Variants in CIB3 observed in about 807,000 individuals in gnomAD.
CIB3 encodes the protein calcium and integrin-binding family member 3.
Under a neutral mutation model 23.4 loss-of-function variants are expected in CIB3, and 22 were observed. The observed-to-expected ratio is 0.94, with a 90% CI of 0.67 to 1.34. The LOEUF (loss-of-function observed/expected upper bound fraction) is 1.34. CIB3 is among the 40% of genes most tolerant of loss of function. The pLI is 0.00. For missense variants in CIB3, 258 were observed against 247.3 expected, an observed-to-expected ratio of 1.04 and a Z score of -0.29; for synonymous variants, 93 against 95.8, an observed-to-expected ratio of 0.97 and a Z score of 0.17.
chr19:16,169,733 T>C lies in CIB3; in HGVS notation c.95A>G (p.Tyr32Cys), dbSNP rs141222200. Residue 32 changes from tyrosine (Y) to cysteine (C), a missense_variant, in exon 3 of 6, where the codon TAT (tyrosine) becomes TGT (cysteine). Coordinates refer to ENST00000269878, the MANE Select transcript of CIB3 (RefSeq NM_054113.4). ...CTGTGGGGCCAGGTCCTGGTAGCGA[T>C]AGAAGAGCCTGATGTGGGGAGGAAA... ...FTRKEIMRLF[Y>C]RYQDLAPQLV... 519 of 1,607,796 alleles carry C rather than the reference T, an allele frequency of 3.2e-4. No individual in the cohort carries two copies. Among genetic ancestry groups the C allele is most frequent in the Non-Finnish European group, 4.3e-4 (501 of 1,177,038 alleles).
chr19:16,173,041 T>TAC (rs3076227), intron 2 of CIB3, 121 bp downstream of exon 2: 69,409 of 777,472 alleles, frequency 0.089, 1,046 homozygotes, highest in Admixed American at 0.12. Context: ...AAAGACTACT[T>TAC]ACACACACAC....
chr19:16,166,738 AC>A (rs2091307168), intron 4 of CIB3, among the ~76,000 whole-genome samples: 1 of 152,200 alleles, frequency 6.6e-6, no homozygotes, highest in African/African-American at 2.4e-5. Flanking sequence ...TTGAGCACCT[AC>A]TATGTGTTGG....
At chr19:16,173,114 TAGAAAGTTGTTTTTCC>T in intron 2 of CIB3, 32 bp downstream of exon 2, 2 of 1,608,992 alleles carry the variant, frequency 1.2e-6, no homozygotes, top group South Asian at 2.2e-5. Flanking sequence ...CAGCAATGAA[TAGAAAGTTGTTTTTCC>T]AGATCTTCTC....
chr19:16,170,553 G>T (rs1402096526), intron 2 of CIB3, among the ~76,000 whole-genome samples: 1 of 152,222 alleles, frequency 6.6e-6, no homozygotes, highest in Non-Finnish European at 1.5e-5. Context: ...GGATGCAGCG[G>T]CTCATGCCTG....
At chr19:16,164,112 A>G (rs575607043) in intron 5 of CIB3, among the ~76,000 whole-genome samples, 11 of 152,242 alleles carry the variant, frequency 7.2e-5, no homozygotes, top group African/African-American at 2.6e-4. Flanking sequence ...CTGGGACTAC[A>G]GGCATGCACC....
At chr19:16,163,794 A>T (rs1354911985) in intron 5 of CIB3, among the ~76,000 whole-genome samples, 2 of 152,158 alleles carry the variant, frequency 1.3e-5, no homozygotes, top group Admixed American at 6.6e-5. Context: ...GATGTTTTCA[A>T]CTTTATACCA....
At chr19:16,163,452 G>A (rs1428018352) in intron 5 of CIB3, among the ~76,000 whole-genome samples, 2 of 152,158 alleles carry the variant, frequency 1.3e-5, no homozygotes, top group East Asian at 3.9e-4. Context: ...CTACTCGGGA[G>A]GCTGAGGCAG....
chr19:16,163,128 C>T (rs1279498799), intron 5 of CIB3, among the ~76,000 whole-genome samples: 1 of 151,834 alleles, frequency 6.6e-6, no homozygotes, highest in South Asian at 2.1e-4. Flanking sequence ...TGAGCCACTG[C>T]GCTCGGCCCC....
intron 4 of CIB3, among the ~76,000 whole-genome samples, chr19:16,165,176 C>T (rs1199683867): frequency 6.6e-6 from 1 of 151,376 alleles, no homozygotes; most frequent in Non-Finnish European, 1.5e-5. Context: ...ACCTGTAATC[C>T]CAGCTATTCA....
chr19:16,161,929 C>G (rs2091286492), intron 5 of CIB3, among the ~76,000 whole-genome samples: 1 of 151,810 alleles, frequency 6.6e-6, no homozygotes, highest in African/African-American at 2.4e-5. Context: ...AAGCGATCCA[C>G]CCACCTTAGC....
chr19:16,163,702 G>T (rs2091294347), intron 5 of CIB3, among the ~76,000 whole-genome samples: 1 of 152,144 alleles, frequency 6.6e-6, no homozygotes, highest in Admixed American at 6.6e-5. Context: ...AACACCTATT[G>T]TGTGCCAGGA....
At chr19:16,173,336 C>T (rs2091338571) in intron 1 of CIB3, 89 bp downstream of exon 1, 1 of 1,554,226 alleles carries the variant, frequency 6.4e-7, no homozygotes, top group Non-Finnish European at 8.9e-7. Flanking sequence ...GCGGACGGTA[C>T]ACCCAGATGA....
chr19:16,171,856 T>C (rs1432885193), intron 2 of CIB3, among the ~76,000 whole-genome samples: 2 of 152,218 alleles, frequency 1.3e-5, no homozygotes, highest in Non-Finnish European at 1.5e-5. Flanking sequence ...ATAATGGATG[T>C]CCTGTTACTA....
intron 4 of CIB3, among the ~76,000 whole-genome samples, chr19:16,165,507 G>A (rs902787602): frequency 4.0e-5 from 6 of 151,246 alleles, no homozygotes; most frequent in East Asian, 2.0e-4. Flanking sequence ...GCAGTGGCAC[G>A]ATCTCGGCTC....
At position 16,164,850 on chromosome 19, in the gene CIB3, C is replaced by T. The variant is rs112299653; in HGVS notation, c.410G>A (p.Arg137Gln). 15 of 1,614,042 alleles carry T rather than the reference C, an allele frequency of 9.3e-6. No homozygotes were observed. Among genetic ancestry groups the T allele is most frequent in the African/African-American group, 2.7e-5 (2 of 75,022 alleles). The change falls in exon 5 of 6, where the codon CGG becomes CAG. Residue 137 changes from arginine to glutamine, a missense_variant. Coordinates refer to ENST00000269878, the MANE Select transcript of CIB3 (RefSeq NM_054113.4). ...DLEQTVTKLT[R>Q]GGLSAEEVSL... ...CACCTCCTCGGCACTCAGCCCCCCC[C>T]GCGTCAGTTTGGTCACCGTCTGCTC...
intron 1 of CIB3, 26 bp downstream of exon 1, chr19:16,173,399 T>G: frequency 6.2e-7 from 1 of 1,609,604 alleles, no homozygotes; most frequent in South Asian, 1.1e-5. Context: ...TCAAACCCAC[T>G]GAGGACCCAT....
chr19:16,164,361 TG>T (rs2091296780), intron 5 of CIB3, among the ~76,000 whole-genome samples: 1 of 152,226 alleles, frequency 6.6e-6, no homozygotes, highest in Non-Finnish European at 1.5e-5. Flanking sequence ...AACCAGGCTT[TG>T]GGTCAGACTG....
chr19:16,163,200 T>G (rs978334201), intron 5 of CIB3, among the ~76,000 whole-genome samples: 1 of 152,108 alleles, frequency 6.6e-6, no homozygotes, highest in Non-Finnish European at 1.5e-5. Flanking sequence ...AGTTAGAGGC[T>G]GCAGTGAGCC....
intron 5 of CIB3, among the ~76,000 whole-genome samples, chr19:16,163,875 G>GCCAA (rs2091294966): frequency 6.6e-6 from 1 of 152,162 alleles, no homozygotes; most frequent in African/African-American, 2.4e-5. Flanking sequence ...GTGGCTGTGA[G>GCCAA]CCAATACAAC....
Sources: allele counts gnomAD v4.1 joint callset (sites outside exome capture counted in the v4.1 genomes callset), GRCh38; gene constraint gnomAD v4.1.1; transcripts MANE v1.5; gene names NCBI Gene and HGNC (gene_info 2026-07-23, HGNC 2026-07-21).